ANO3: variants seen among roughly 807,000 people sequenced by gnomAD.
ANO3 encodes anoctamin-3.
A neutral mutation model predicts 144.8 loss-of-function variants in ANO3; 99 were observed. The ratio of observed to expected loss-of-function variants is 0.68; its 90% confidence interval spans 0.58 to 0.81. The LOEUF is 0.81. Among genes scored for constraint, ANO3 ranks in the 30% least tolerant of loss-of-function variants. The probability of loss-of-function intolerance (pLI) is 0.00; values close to 1 mark genes in which losing one functional copy is unlikely to be tolerated. For missense variants in ANO3, 905 were observed against 1,202.2 expected (o/e 0.75, Z 3.66); for synonymous variants, 414 against 392.6 (o/e 1.05, Z -0.64).
At chr11:26,542,184 A>G (rs1244155500) in intron 11 of ANO3, 116 bp downstream of exon 11, 1 of 1,149,530 alleles carries the variant, frequency 8.7e-7, no homozygotes, top group African/African-American at 1.6e-5. Context: ...AAAAGCAACC[A>G]CTATAAGATT....
chr11:26,425,839 C>T (rs376362305), intron 1 of ANO3, among the ~76,000 whole-genome samples: 3 of 152,084 alleles, frequency 2.0e-5, no homozygotes, highest in East Asian at 3.9e-4. Flanking sequence ...TTTATTTCAG[C>T]GTCTGTGTAC....
chr11:26,392,291 A>C (rs935668646), intron 1 of ANO3, among the ~76,000 whole-genome samples: 4 of 149,956 alleles, frequency 2.7e-5, no homozygotes, highest in African/African-American at 9.9e-5. Context: ...GGCTTCAGCC[A>C]AAATTGAGAG....
chr11:26,519,141 A>T (rs1048676266), intron 6 of ANO3, among the ~76,000 whole-genome samples: 1 of 152,164 alleles, frequency 6.6e-6, no homozygotes, highest in Non-Finnish European at 1.5e-5. Context: ...TTTATGTACA[A>T]ACTAATTTCC....
intron 1 of ANO3, among the ~76,000 whole-genome samples, chr11:26,247,988 C>T (rs958783161): frequency 1.3e-5 from 2 of 151,898 alleles, no homozygotes; most frequent in African/African-American, 4.8e-5. Context: ...GCCTCGGCCT[C>T]CCAAAGTCCT....
chr11:26,431,668 T>C (rs1427374675), intron 1 of ANO3, among the ~76,000 whole-genome samples: 2 of 152,210 alleles, frequency 1.3e-5, no homozygotes, highest in African/African-American at 4.8e-5. Context: ...TCTGTTCCTG[T>C]GTTAGACTGC....
chr11:26,651,612 A>C (rs991298148), intron 24 of ANO3, among the ~76,000 whole-genome samples: 49 of 152,236 alleles, frequency 3.2e-4, no homozygotes, highest in African/African-American at 1.2e-3. Context: ...AATTTACCTT[A>C]ATATAAATTA....
At chr11:26,657,015 C>T (rs977447726) in intron 26 of ANO3, among the ~76,000 whole-genome samples, 1 of 152,106 alleles carries the variant, frequency 6.6e-6, no homozygotes. Flanking sequence ...AGAAATTTGG[C>T]AGAAGCTATT....
intron 4 of ANO3, among the ~76,000 whole-genome samples, chr11:26,477,416 C>G (rs61876917): frequency 2.0e-3 from 297 of 152,230 alleles, no homozygotes; most frequent in Non-Finnish European, 3.6e-3. Context: ...GGCTGACCAC[C>G]TTTCTCCATT....
rs1859040394 is a variant in ANO3, at chr11:26,453,792, AC to A, written c.314-9237del. ...CAAAATTTACATTTTTTTCAGCACC[AC>A]ACCACACCTATTCCAAAATTGACCA... is the stretch of plus-strand genomic sequence containing the variant. On this transcript the variant is annotated intron_variant, in intron 3 of 26. Transcript: ENST00000256737. Among the ~76,000 whole-genome samples, 6 of 152,286 alleles carry A rather than the reference AC, an allele frequency of 3.9e-5. No homozygotes were observed. The South Asian group carries it at 1.2e-3, about 32-fold the overall frequency.
chr11:26,505,293 G>A (rs1029485018), intron 4 of ANO3, among the ~76,000 whole-genome samples: 4 of 152,174 alleles, frequency 2.6e-5, no homozygotes, highest in Non-Finnish European at 4.4e-5. Context: ...GCAATCAACC[G>A]GAATAAAGAA....
intron 4 of ANO3, among the ~76,000 whole-genome samples, chr11:26,504,322 C>G (rs1444966266): frequency 1.3e-5 from 2 of 152,124 alleles, no homozygotes; most frequent in African/African-American, 2.4e-5. Context: ...ATACATAGAA[C>G]TATGCGTATT....
In ANO3 at chr11:26,436,486, A is replaced by G. The variant is rs1858300142; in HGVS notation, c.47-5432A>G. Among the ~76,000 whole-genome samples, 3 of 152,202 alleles carry G rather than the reference A, an allele frequency of 2.0e-5. No individual in the cohort carries two copies. In the South Asian group the frequency reaches 6.2e-4, roughly 31 times the overall value. ...AATTTTCCAGTACCTGAAGGTATCA[A>G]CAGTGAAGCCTGCAAAACAGTAAAG... On this transcript the variant is annotated intron_variant, in intron 1 of 26. Coordinates refer to ENST00000256737, the MANE Select transcript of ANO3 (RefSeq NM_031418.4).
chr11:26,456,049 C>T (rs1026826311), intron 3 of ANO3, among the ~76,000 whole-genome samples: 2 of 151,478 alleles, frequency 1.3e-5, no homozygotes, highest in African/African-American at 2.4e-5. Context: ...GGATCCCTTC[C>T]TTACACCTTA....
chr11:26,373,904 G>T (rs2133941628), intron 1 of ANO3, among the ~76,000 whole-genome samples: 1 of 152,256 alleles, frequency 6.6e-6, no homozygotes, highest in Middle Eastern at 3.4e-3. Context: ...CAAAAAAGAT[G>T]ATTGAATATA....
intron 4 of ANO3, among the ~76,000 whole-genome samples, chr11:26,480,206 A>G (rs2134086542): frequency 1.3e-5 from 2 of 152,332 alleles, no homozygotes; most frequent in Admixed American, 1.3e-4. Flanking sequence ...CTTCAAACTT[A>G]CAAAACACTT....
chr11:26,393,278 A>G (rs1214094742), intron 1 of ANO3, among the ~76,000 whole-genome samples: 3 of 152,198 alleles, frequency 2.0e-5, no homozygotes, highest in East Asian at 1.9e-4. Flanking sequence ...GCTTCTGAGT[A>G]TATACTACAG....
At chr11:26,239,402 T>C (rs931458056) in intron 1 of ANO3, among the ~76,000 whole-genome samples, 2 of 152,062 alleles carry the variant, frequency 1.3e-5, no homozygotes, top group African/African-American at 4.8e-5. Flanking sequence ...GGTTCAAAGT[T>C]CTCTACTATT....
chr11:26,533,114 C>T (rs1349517830), intron 8 of ANO3, among the ~76,000 whole-genome samples: 3 of 152,032 alleles, frequency 2.0e-5, no homozygotes. Flanking sequence ...ACAAAATAGA[C>T]ACATGTGCAT....
chr11:26,194,250 T>C (rs1851534086), intron 1 of ANO3, among the ~76,000 whole-genome samples: 1 of 152,190 alleles, frequency 6.6e-6, no homozygotes, highest in South Asian at 2.1e-4. Flanking sequence ...CTTCTCAAAC[T>C]GACACAGTTA....
Sources: gnomAD v4.1 joint callset for allele counts (sites outside exome capture counted in the v4.1 genomes callset) on GRCh38, gnomAD v4.1.1 for gene constraint, MANE v1.5 for transcripts, NCBI Gene and HGNC (gene_info 2026-07-23, HGNC 2026-07-21) for gene names.